Variants in FRMPD4 observed in about 807,000 individuals in gnomAD.
FRMPD4 encodes FERM and PDZ domain-containing protein 4.
Under a neutral mutation model 94.1 loss-of-function variants are expected in FRMPD4, and 22 were observed. The ratio of observed to expected loss-of-function variants is 0.23; its 90% CI spans 0.17 to 0.33. The LOEUF is 0.33. Among genes scored for constraint, FRMPD4 ranks in the 10% least tolerant of loss-of-function variants. The pLI is 1.00. For synonymous variants in FRMPD4, 631 were observed against 548.6 expected (o/e 1.15, Z -2.10); for missense variants, 1,111 against 1,339.9 (o/e 0.83, Z 2.67).
chrX:12,602,276 G>A (rs2059091801), intron 2 of FRMPD4, among the ~76,000 whole-genome samples: 1 of 111,166 alleles, frequency 9.0e-6, no homozygotes, highest in African/African-American at 3.3e-5. Context: ...ACATAGATGA[G>A]CACTTTTGGT....
rs140160804 is a variant in FRMPD4 at position 12,319,533 on chromosome X, C to T, written c.42-179147C>T. 8.8e-3 allele frequency among the ~76,000 whole-genome samples: 977 copies of T among 111,564 alleles called. 12 individuals are homozygous for T. Among genetic ancestry groups the T allele is most frequent in the African/African-American group, 0.031 (937 of 30,658 alleles). On this transcript the variant is annotated intron_variant, in intron 1 of 16. Coordinates refer to ENST00000675598, the MANE Select transcript of FRMPD4 (RefSeq NM_001368397.1). ...ACTCCGGTAAGGGAAGATAGTTTCT[C>T]CCCACAGGCTGGATCTGCCCCCAAG...
chrX:12,082,258 A>G (rs1240937793), intron 3 of FRMPD4, among the ~76,000 whole-genome samples: 1 of 111,670 alleles, frequency 9.0e-6, no homozygotes, highest in Non-Finnish European at 1.9e-5. Flanking sequence ...GGGGGATGTA[A>G]TTGAATCATG....
intron 3 of FRMPD4, among the ~76,000 whole-genome samples, chrX:12,070,255 C>T (rs1387587238): frequency 9.0e-6 from 1 of 110,530 alleles, no homozygotes; most frequent in Non-Finnish European, 1.9e-5. Flanking sequence ...AGCTCACATG[C>T]ATTCACAACA....
chrX:12,103,133 AC>A (rs1188771873), intron 3 of FRMPD4, among the ~76,000 whole-genome samples: 2 of 110,987 alleles, frequency 1.8e-5, no homozygotes, highest in African/African-American at 3.3e-5. Flanking sequence ...CCTGGCTCCA[AC>A]GGTAAGAGTC....
intron 3 of FRMPD4, among the ~76,000 whole-genome samples, chrX:11,921,983 A>G (rs1013063067): frequency 2.7e-5 from 3 of 111,887 alleles, no homozygotes; most frequent in African/African-American, 6.5e-5. Context: ...GAAACAAGAC[A>G]AAGCCAATGA....
At chrX:12,578,947 C>A (rs1157855310) in intron 2 of FRMPD4, among the ~76,000 whole-genome samples, 3 of 111,984 alleles carry the variant, frequency 2.7e-5, no homozygotes, top group African/African-American at 6.5e-5. Flanking sequence ...GAAAATGTAA[C>A]TTTCCAAAGG....
At chrX:12,715,998 G>GCCGGGGCCCCCCCCCCC in intron 14 of FRMPD4, 71 bp from the exon 15 acceptor site, 1 of 383,858 alleles carries the variant, frequency 2.6e-6, no homozygotes, top group Non-Finnish European at 4.7e-6. Flanking sequence ...ACAGAGACGA[G>GCCGGGGCCCCCCCCCCC]CCTCCCACCC....
intron 2 of FRMPD4, among the ~76,000 whole-genome samples, chrX:11,872,705 A>AT (rs1324329833): frequency 1.3e-4 from 15 of 112,350 alleles, no homozygotes; most frequent in Non-Finnish European, 2.6e-4. Flanking sequence ...TGGGTGATCT[A>AT]TTTTTTAGAG....
intron 1 of FRMPD4, among the ~76,000 whole-genome samples, chrX:12,231,052 T>TATATATATA (rs2057000019): frequency 3.5e-5 from 2 of 57,834 alleles, no homozygotes; most frequent in African/African-American, 1.5e-4. Flanking sequence ...ATATATAAAA[T>TATATATATA]ATATATATAT....
At chrX:12,155,158 G>A (rs758487961) in intron 1 of FRMPD4, among the ~76,000 whole-genome samples, 7 of 112,114 alleles carry the variant, frequency 6.2e-5, no homozygotes, top group African/African-American at 1.9e-4. Context: ...CATGGAGGAA[G>A]AAGGGAAGAG....
chrX:12,491,205 A>G (rs2057789648), intron 1 of FRMPD4, among the ~76,000 whole-genome samples: 1 of 111,822 alleles, frequency 8.9e-6, no homozygotes, highest in Admixed American at 9.5e-5. Flanking sequence ...AATCCTAAGT[A>G]TGAAAGTAAT....
chrX:12,246,180 G>T (rs2053955674), intron 1 of FRMPD4, among the ~76,000 whole-genome samples: 1 of 111,483 alleles, frequency 9.0e-6, no homozygotes, highest in African/African-American at 3.3e-5. Flanking sequence ...AACCCCACGG[G>T]GTTTCTGAAA....
chrX:12,227,003 C>G (rs946219059), intron 1 of FRMPD4, among the ~76,000 whole-genome samples: 5 of 111,566 alleles, frequency 4.5e-5, no homozygotes, highest in Non-Finnish European at 9.4e-5. Flanking sequence ...GAATTACCTC[C>G]CAACATAACA....
chrX:12,040,040 A>G (rs754145342), intron 3 of FRMPD4, among the ~76,000 whole-genome samples: 1 of 110,972 alleles, frequency 9.0e-6, no homozygotes, highest in African/African-American at 3.3e-5. Context: ...TATTCCATAA[A>G]TGTTAATTAG....
intron 3 of FRMPD4, among the ~76,000 whole-genome samples, chrX:11,900,257 G>C (rs1167073843): frequency 9.0e-6 from 1 of 110,775 alleles, no homozygotes; most frequent in Non-Finnish European, 1.9e-5. Flanking sequence ...TTGTGTACCT[G>C]GTAGGGCAAG....
intron 1 of FRMPD4, among the ~76,000 whole-genome samples, chrX:12,448,790 A>C (rs2057230870): frequency 8.9e-6 from 1 of 112,189 alleles, no homozygotes; most frequent in Non-Finnish European, 1.9e-5. Flanking sequence ...CTTTGGATAC[A>C]ATGAGTGTGG....
intron 2 of FRMPD4, among the ~76,000 whole-genome samples, chrX:12,584,313 G>A (rs1189849186): frequency 8.9e-6 from 1 of 112,103 alleles, no homozygotes; most frequent in Non-Finnish European, 1.9e-5. Flanking sequence ...CTTTACAGAT[G>A]GTGATGAAGC....
At chrX:12,109,557 G>A (rs1215879457) in intron 3 of FRMPD4, among the ~76,000 whole-genome samples, 7 of 111,344 alleles carry the variant, frequency 6.3e-5, no homozygotes, top group Non-Finnish European at 1.1e-4. Context: ...AGCAGAAGGT[G>A]AGAAATAACT....
intron 1 of FRMPD4, among the ~76,000 whole-genome samples, chrX:12,352,008 A>C (rs758230509): frequency 2.2e-4 from 25 of 112,019 alleles, no homozygotes; most frequent in African/African-American, 6.8e-4. Flanking sequence ...TGTGTTGGGT[A>C]CATATCTAGG....
Sources: allele counts gnomAD v4.1 joint callset (sites outside exome capture counted in the v4.1 genomes callset), GRCh38; gene constraint gnomAD v4.1.1; transcripts MANE v1.5; gene names NCBI Gene and HGNC (gene_info 2026-07-23, HGNC 2026-07-21).